AGBL2: variants seen among roughly 807,000 people sequenced by gnomAD.
AGBL2 encodes cytosolic carboxypeptidase 2.
Under a neutral mutation model 103.0 loss-of-function variants are expected in AGBL2, and 87 were observed. The ratio of observed to expected loss-of-function variants is 0.84; its 90% CI spans 0.71 to 1.01. AGBL2 has a LOEUF of 1.01. AGBL2 is among the 50% of genes least tolerant of loss of function. The pLI, the probability that AGBL2 is intolerant of heterozygous loss-of-function variation, is 0.00. For synonymous variants in AGBL2, 335 were observed against 356.7 expected, an observed-to-expected ratio of 0.94 and a Z score of 0.69; for missense variants, 904 against 1,023.5, an observed-to-expected ratio of 0.88 and a Z score of 1.59.
intron 18 of AGBL2, 96 bp downstream of exon 18, chr11:47,662,930 T>G (rs1311176876): frequency 1.4e-5 from 14 of 1,014,896 alleles, no homozygotes; most frequent in Non-Finnish European, 1.9e-5. Flanking sequence ...AAAACTGGAC[T>G]GTGCATCACC....
intron 7 of AGBL2, among the ~76,000 whole-genome samples, chr11:47,701,469 C>CAA (rs11327584): frequency 5.3e-5 from 5 of 94,434 alleles, no homozygotes; most frequent in African/African-American, 5.0e-5. Context: ...GACTCCGTCT[C>CAA]AAAAAAAAAA....
rs1334173460 is a variant in AGBL2 at position 47,690,473 on chromosome 11, T to C, written c.1234A>G (p.Asn412Asp). The C allele has an allele frequency of 1.2e-6, 2 of 1,614,150 alleles. No homozygotes were observed. Among genetic ancestry groups the C allele is most frequent in the Admixed American group, 3.3e-5 (2 of 59,986 alleles). The change falls in exon 10 of 19, where the codon AAC becomes GAC. Residue 412 changes from asparagine to aspartate, a missense_variant. Transcript: ENST00000525123. The stretch of plus-strand genomic sequence containing the variant: ...CAGAACTGAGACTGGATAGGGTTGT[T>C]TGCCACTGACAGGAGGTAGCATTGC... The part of the protein sequence containing the change: ...DLQCYLLSVA[N>D]NPIQSQFCKL...
At chr11:47,696,026 AAAAAAAAAAAG>A (rs1159682162) in intron 8 of AGBL2, among the ~76,000 whole-genome samples, 6 of 37,948 alleles carry the variant, frequency 1.6e-4, no homozygotes, top group Non-Finnish European at 2.1e-4. Context: ...AAAAAAAAAA[AAAAAAAAAAAG>A]AAAAAAAAAA....
At chr11:47,701,945 C>G (rs1449765553) in intron 7 of AGBL2, among the ~76,000 whole-genome samples, 2 of 148,078 alleles carry the variant, frequency 1.4e-5, no homozygotes, top group Admixed American at 6.9e-5. Flanking sequence ...TGCACTCCAG[C>G]CTGGGCGACA....
chr11:47,695,648 C>T (rs925451744), intron 8 of AGBL2, among the ~76,000 whole-genome samples: 1 of 149,872 alleles, frequency 6.7e-6, no homozygotes, highest in Non-Finnish European at 1.5e-5. Context: ...GTGGTACATG[C>T]CTGTAGCCCC....
intron 15 of AGBL2, 53 bp from the exon 16 acceptor site, chr11:47,667,749 C>T: frequency 6.3e-7 from 1 of 1,583,904 alleles, no homozygotes; most frequent in Non-Finnish European, 8.6e-7. Flanking sequence ...ACTAGGCCCA[C>T]CCACATGTGG....
chr11:47,714,581 G>A (rs2097544868), intron 2 of AGBL2, 37 bp downstream of exon 2: 2 of 1,610,342 alleles, frequency 1.2e-6, no homozygotes, highest in South Asian at 1.1e-5. Context: ...GGAGTTCCCC[G>A]AAGAAATTTC....
chr11:47,666,915 A>C, intron 17 of AGBL2, 41 bp downstream of exon 17: 28 of 1,268,946 alleles, frequency 2.2e-5, no homozygotes, highest in Non-Finnish European at 3.0e-5. Flanking sequence ...TCGAGAGGTT[A>C]GAGAATCTGT....
At chr11:47,693,525 T>C (rs947590792) in intron 8 of AGBL2, among the ~76,000 whole-genome samples, 8 of 111,254 alleles carry the variant, frequency 7.2e-5, no homozygotes, top group Non-Finnish European at 1.9e-5. Flanking sequence ...CAAAAATGAA[T>C]TGACCAAAAA....
chr11:47,703,121 A>G (rs2097504975), intron 7 of AGBL2, among the ~76,000 whole-genome samples: 1 of 152,072 alleles, frequency 6.6e-6, no homozygotes, highest in Non-Finnish European at 1.5e-5. Context: ...AACTCAAAAT[A>G]TAAAATTAAA....
intron 13 of AGBL2, among the ~76,000 whole-genome samples, chr11:47,678,320 A>ATTATT (rs1316888179): frequency 8.4e-6 from 1 of 119,694 alleles, no homozygotes; most frequent in Non-Finnish European, 1.9e-5. Flanking sequence ...ATTTTATTTT[A>ATTATT]TTTTATTTTA....
chr11:47,712,932 C>T (rs1207749580), intron 3 of AGBL2, among the ~76,000 whole-genome samples: 1 of 151,766 alleles, frequency 6.6e-6, no homozygotes. Flanking sequence ...TACCTGGGTA[C>T]TTGGGAGGCT....
chr11:47,689,485 A>T (rs552603414), intron 10 of AGBL2, among the ~76,000 whole-genome samples: 1 of 151,718 alleles, frequency 6.6e-6, no homozygotes, highest in East Asian at 1.9e-4. Flanking sequence ...TTGTATCTTT[A>T]GCAGAGACTG....
chr11:47,708,249 G>A (rs548838388), intron 4 of AGBL2, among the ~76,000 whole-genome samples: 12 of 151,752 alleles, frequency 7.9e-5, no homozygotes, highest in African/African-American at 2.9e-4. Context: ...TCTATTTTTA[G>A]TAGAGACGGG....
At position 47,668,861 on chromosome 11, in the gene AGBL2, G is replaced by C. The variant is rs2097348765; in HGVS notation, c.2194C>G (p.Leu732Val). 1 of 1,613,290 alleles carries C rather than the reference G, an allele frequency of 6.2e-7. No individual in the cohort carries two copies. ...SSLSDGLPVH[L>V]ANIADELTQK... The stretch of plus-strand genomic sequence containing the variant: ...CTTACCTCATCTGCTATGTTTGCTA[G>C]GTGAACAGGAAGACCATCTGAGAGA... Residue 732 changes from leucine (L) to valine (V), a missense_variant, in exon 15 of 19, where the codon CTA becomes GTA. Transcript: ENST00000525123.
At position 47,682,052 on chromosome 11, in the gene AGBL2, T is replaced by C. The variant is rs749347656; in HGVS notation, c.1832A>G (p.Glu611Gly). The C allele has an allele frequency of 6.2e-7, 1 of 1,614,154 alleles. No individual in the cohort carries two copies. Among genetic ancestry groups the C allele is most frequent in the Non-Finnish European group, 8.5e-7 (1 of 1,180,014 alleles). The change falls in exon 12 of 19, where the codon GAA becomes GGA. Residue 611 changes from glutamate to glycine, a missense_variant. Coordinates refer to ENST00000525123, the MANE Select transcript of AGBL2 (RefSeq NM_024783.4). ...CCACATAACAACTCGTCCTGTTCCTTCTTTGCATTTTTGGACCTTAAAATT... is the reference window on the plus strand; with the variant it reads ...CCACATAACAACTCGTCCTGTTCCTCCTTTGCATTTTTGGACCTTAAAATT... ...SCNFKVQKCKEGTGRVVMWRM... is the reference protein window; with the variant it reads ...SCNFKVQKCKGGTGRVVMWRM...
At chr11:47,681,614 C>T (rs895594134) in intron 12 of AGBL2, among the ~76,000 whole-genome samples, 11 of 152,276 alleles carry the variant, frequency 7.2e-5, no homozygotes, top group African/African-American at 2.4e-4. Context: ...ACTACCGGCA[C>T]GTGCCACCAC....
intron 14 of AGBL2, among the ~76,000 whole-genome samples, chr11:47,671,529 A>AAAAC (rs58799566): frequency 0.24 from 35,858 of 150,766 alleles, 5,618 homozygotes; most frequent in African/African-American, 0.43. Context: ...CTCCATCTCA[A>AAAAC]AAACAAACAA....
intron 17 of AGBL2, among the ~76,000 whole-genome samples, chr11:47,666,444 A>T (rs918518115): frequency 6.6e-6 from 1 of 152,134 alleles, no homozygotes; most frequent in African/African-American, 2.4e-5. Context: ...AAAACTATAA[A>T]GTACTAAACA....
Sources: gnomAD v4.1 joint callset for allele counts (sites outside exome capture counted in the v4.1 genomes callset) on GRCh38, gnomAD v4.1.1 for gene constraint, MANE v1.5 for transcripts, NCBI Gene and HGNC (gene_info 2026-07-23, HGNC 2026-07-21) for gene names.